The following ARSB variants were observed in gnomAD, a reference collection of about 807,000 sequenced individuals.
ARSB encodes arylsulfatase B, also known as N-acetylgalactosamine-4-sulfatase.
Under a neutral mutation model 50.9 loss-of-function variants are expected in ARSB, and 41 were observed. The ratio of observed to expected loss-of-function variants is 0.81; its 90% CI spans 0.63 to 1.04. ARSB has a LOEUF of 1.04. Ranked by LOEUF, ARSB falls within the 50% of genes least tolerant of loss-of-function variation. The pLI, the probability that ARSB is intolerant of heterozygous loss-of-function variation, is 0.00. For missense variants in ARSB, 672 were observed against 693.3 expected (o/e 0.97, Z 0.35); for synonymous variants, 269 against 284.8 (o/e 0.94, Z 0.56).
chr5:78,854,542 A>C (rs2112069083), intron 5 of ARSB, among the ~76,000 whole-genome samples: 1 of 152,328 alleles, frequency 6.6e-6, no homozygotes, highest in East Asian at 1.9e-4. Context: ...AAAATTTCAA[A>C]AGTTCCTCTT....
intron 5 of ARSB, among the ~76,000 whole-genome samples, chr5:78,855,499 C>T (rs1746093170): frequency 6.6e-6 from 1 of 152,176 alleles, no homozygotes; most frequent in Non-Finnish European, 1.5e-5. Context: ...GGCCATTGGG[C>T]TGGGGCAGTT....
chr5:78,978,543 T>C (rs933018539), intron 1 of ARSB, among the ~76,000 whole-genome samples: 19 of 152,226 alleles, frequency 1.2e-4, no homozygotes, highest in Admixed American at 1.1e-3. Context: ...GGGCCGAGAA[T>C]AGCCAAACTA....
intron 4 of ARSB, among the ~76,000 whole-genome samples, chr5:78,892,248 C>CTTTTTTTTTTTTT (rs34960858): frequency 4.6e-5 from 4 of 87,242 alleles, no homozygotes; most frequent in African/African-American, 1.0e-4. Context: ...ATTCTCTATT[C>CTTTTTTTTTTTTT]TTTTTTTTTT....
At chr5:78,889,963 G>A (rs1748207092) in intron 4 of ARSB, among the ~76,000 whole-genome samples, 1 of 152,140 alleles carries the variant, frequency 6.6e-6, no homozygotes, top group African/African-American at 2.4e-5. Context: ...CTCATACCAA[G>A]CCTGGACATC....
chr5:78,821,220 C>T (rs1744207918), intron 6 of ARSB, among the ~76,000 whole-genome samples: 1 of 152,216 alleles, frequency 6.6e-6, no homozygotes, highest in South Asian at 2.1e-4. Context: ...ACTGCAACCT[C>T]TGCCTCCCGG....
intron 5 of ARSB, among the ~76,000 whole-genome samples, chr5:78,871,851 A>G (rs1417492515): frequency 7.7e-6 from 1 of 130,658 alleles, no homozygotes; most frequent in African/African-American, 2.5e-5. Flanking sequence ...CTGCACAGCA[A>G]AGGAAACTAC....
chr5:78,918,133 C>T (rs1164704637), intron 4 of ARSB, among the ~76,000 whole-genome samples: 2 of 152,146 alleles, frequency 1.3e-5, no homozygotes, highest in East Asian at 3.8e-4. Flanking sequence ...CTAAATACAG[C>T]AACTAAATAT....
intron 5 of ARSB, among the ~76,000 whole-genome samples, chr5:78,861,146 G>A (rs1267578523): frequency 6.6e-6 from 1 of 152,112 alleles, no homozygotes; most frequent in Non-Finnish European, 1.5e-5. Flanking sequence ...AAACAGTCCA[G>A]GACCAGACGG....
chr5:78,822,468 T>C (rs982029878), intron 6 of ARSB, among the ~76,000 whole-genome samples: 1 of 152,176 alleles, frequency 6.6e-6, no homozygotes, highest in Non-Finnish European at 1.5e-5. Flanking sequence ...GCCTGATCAG[T>C]GTTGCTTTGT....
intron 4 of ARSB, among the ~76,000 whole-genome samples, chr5:78,952,413 T>C (rs374128374): frequency 1.3e-5 from 2 of 152,160 alleles, no homozygotes; most frequent in Admixed American, 1.3e-4. Context: ...CTCAGCTCAC[T>C]GCAGCCTCAA....
Position 78,848,386 on chromosome 5 carries a change from A to G in ARSB, c.1143-8960T>C, listed in dbSNP as rs563426108. 5.6e-3 allele frequency among the ~76,000 whole-genome samples: 820 copies of G among 146,032 alleles called. 17 individuals are homozygous for G. The highest frequency in any genetic ancestry group is 0.02 in the African/African-American group (791 of 38,636). ...AATTTCATCCATGTCCGTACAAAGGACATGAACTCATCATTTTTTATGGCT... is the reference window on the plus strand; with the variant it reads ...AATTTCATCCATGTCCGTACAAAGGGCATGAACTCATCATTTTTTATGGCT... On this transcript the variant is annotated intron_variant, in intron 5 of 7. Coordinates refer to ENST00000264914, the MANE Select transcript of ARSB (RefSeq NM_000046.5).
At chr5:78,790,014 AG>A (rs1373996366) in intron 6 of ARSB, among the ~76,000 whole-genome samples, 1 of 152,178 alleles carries the variant, frequency 6.6e-6, no homozygotes, top group Admixed American at 6.5e-5. Flanking sequence ...ACAGCGCTGT[AG>A]GGTGAACGGG....
In ARSB at chr5:78,985,034, A is replaced by T. The variant is rs397514441; in HGVS notation, c.215T>A (p.Leu72Gln). 6 of 1,542,032 alleles carry T rather than the reference A, an allele frequency of 3.9e-6. No homozygotes were observed. Among genetic ancestry groups the T allele is most frequent in the South Asian group, 1.2e-5 (1 of 83,360 alleles). The change falls in exon 1 of 8, where the codon CTG (leucine) becomes CAG (glutamine). Residue 72 changes from leucine (L) to glutamine (Q), a missense_variant. Physicochemically the swap from Leu to Gln is moderately radical, Grantham distance 113. Transcript: ENST00000264914. Reference protein sequence around the residue: ...FHGSRIRTPHLDALAAGGVLL... With the variant: ...FHGSRIRTPHQDALAAGGVLL... ...CACCCCGCCGGCCGCCAGCGCGTCC[A>T]GGTGCGGCGTGCGGATGCGGGAGCC...
chr5:78,968,790 T>C (rs551796425), intron 2 of ARSB, among the ~76,000 whole-genome samples: 7 of 152,312 alleles, frequency 4.6e-5, no homozygotes, highest in Non-Finnish European at 4.4e-5. Context: ...TAAGGTGGCA[T>C]TTAGAACTCC....
intron 4 of ARSB, among the ~76,000 whole-genome samples, chr5:78,907,464 A>G (rs1749115219): frequency 6.6e-6 from 1 of 152,098 alleles, no homozygotes; most frequent in African/African-American, 2.4e-5. Flanking sequence ...TTGAATTACC[A>G]CATACAAAAC....
At chr5:78,868,766 A>G (rs1487585159) in intron 5 of ARSB, among the ~76,000 whole-genome samples, 1 of 140,746 alleles carries the variant, frequency 7.1e-6, no homozygotes, top group African/African-American at 2.8e-5. Context: ...AACGAGCAAA[A>G]TCACCAGCTA....
intron 6 of ARSB, among the ~76,000 whole-genome samples, chr5:78,819,903 G>T (rs1401611191): frequency 2.6e-5 from 4 of 152,278 alleles, no homozygotes; most frequent in Non-Finnish European, 5.9e-5. Flanking sequence ...CTGGTCACCT[G>T]CAGGGGGCTG....
At chr5:78,869,857 A>T (rs1747032256) in intron 5 of ARSB, among the ~76,000 whole-genome samples, 1 of 150,144 alleles carries the variant, frequency 6.7e-6, no homozygotes, top group Non-Finnish European at 1.5e-5. Flanking sequence ...ACCCTTCAAA[A>T]AATCAATGAA....
intron 1 of ARSB, among the ~76,000 whole-genome samples, chr5:78,970,621 AC>A (rs1229260800): frequency 6.6e-6 from 1 of 152,114 alleles, no homozygotes; most frequent in Admixed American, 6.5e-5. Flanking sequence ...GGAGAGGGAG[AC>A]AGTGACAGAG....
Sources: gnomAD v4.1 joint callset for allele counts (sites outside exome capture counted in the v4.1 genomes callset) on GRCh38, gnomAD v4.1.1 for gene constraint, MANE v1.5 for transcripts, NCBI Gene and HGNC (gene_info 2026-07-23, HGNC 2026-07-21) for gene names.